ARB2A: variants seen among roughly 807,000 people sequenced by gnomAD.
ARB2A encodes cotranscriptional regulator ARB2A.
the ARB2A span, among the ~76,000 whole-genome samples, chr5:93,870,280 T>C: frequency 1.8e-4 from 28 of 152,252 alleles, no homozygotes; most frequent in South Asian, 2.3e-3. Context: ...TGAGTCCAGA[T>C]CAAGAGTTTA....
the ARB2A span, among the ~76,000 whole-genome samples, chr5:94,068,193 G>A: frequency 1.3e-5 from 2 of 152,196 alleles, no homozygotes; most frequent in Admixed American, 1.3e-4. Flanking sequence ...TGCGGTGAGT[G>A]TTATAGCTCT....
At chr5:94,026,538 G>C in the ARB2A span, among the ~76,000 whole-genome samples, 3 of 152,220 alleles carry the variant, frequency 2.0e-5, no homozygotes, top group African/African-American at 7.2e-5. Context: ...GTGCTGATTG[G>C]TTTGGTTTGT....
At chr5:93,703,014 T>TAAA in the ARB2A span, among the ~76,000 whole-genome samples, 20 of 152,204 alleles carry the variant, frequency 1.3e-4, 1 homozygote, top group Admixed American at 1.3e-3. Context: ...ATGACCCATT[T>TAAA]ATCAGCTGCT....
At chr5:93,747,687 AT>A in the ARB2A span, among the ~76,000 whole-genome samples, 1 of 152,026 alleles carries the variant, frequency 6.6e-6, no homozygotes, top group Non-Finnish European at 1.5e-5. Flanking sequence ...CCAAATCAAA[AT>A]TTATCTGCTT....
chr5:94,040,893 A>G, the ARB2A span, among the ~76,000 whole-genome samples: 1 of 152,110 alleles, frequency 6.6e-6, no homozygotes, highest in Non-Finnish European at 1.5e-5. Flanking sequence ...GCTAATGTCT[A>G]TGTTTCGTCA....
chr5:93,724,121 CT>C, the ARB2A span, among the ~76,000 whole-genome samples: 129 of 148,346 alleles, frequency 8.7e-4, no homozygotes, highest in South Asian at 5.4e-3. Flanking sequence ...GACACTGACA[CT>C]TTTTTTTTTC....
chr5:94,057,156 T>C, the ARB2A span, among the ~76,000 whole-genome samples: 1 of 152,234 alleles, frequency 6.6e-6, no homozygotes, highest in Non-Finnish European at 1.5e-5. Context: ...ACTTGGGTCT[T>C]CTCAGCCTCC....
the ARB2A span, among the ~76,000 whole-genome samples, chr5:93,924,018 T>A: frequency 1.3e-5 from 2 of 152,098 alleles, no homozygotes; most frequent in South Asian, 4.1e-4. Context: ...ATTATCCAAT[T>A]TGTGTTTTCT....
At chr5:93,766,735 C>A in the ARB2A span, among the ~76,000 whole-genome samples, 3 of 152,106 alleles carry the variant, frequency 2.0e-5, no homozygotes, top group Admixed American at 6.6e-5. Flanking sequence ...AAGACACATG[C>A]ACGTGTATGT....
chr5:94,058,557 T>C, the ARB2A span, among the ~76,000 whole-genome samples: 12 of 152,188 alleles, frequency 7.9e-5, no homozygotes, highest in South Asian at 2.5e-3. Context: ...AAAAATTCTA[T>C]CTAAAATTAA....
the ARB2A span, among the ~76,000 whole-genome samples, chr5:93,956,767 C>T: frequency 4.0e-5 from 6 of 151,776 alleles, no homozygotes; most frequent in Admixed American, 2.6e-4. Context: ...TCATCTTTCC[C>T]TCAACCAACA....
At chr5:94,080,182 A>G in the ARB2A span, among the ~76,000 whole-genome samples, 1 of 152,124 alleles carries the variant, frequency 6.6e-6, no homozygotes, top group Non-Finnish European at 1.5e-5. Flanking sequence ...TTAGAAAAAC[A>G]GAGTATGTCA....
the ARB2A span, among the ~76,000 whole-genome samples, chr5:93,760,555 C>T: frequency 1.2e-4 from 19 of 152,164 alleles, no homozygotes; most frequent in African/African-American, 4.6e-4. Flanking sequence ...AAAATAGGCA[C>T]ATAGATCAAT....
At chr5:93,755,396 G>A in the ARB2A span, among the ~76,000 whole-genome samples, 4 of 152,184 alleles carry the variant, frequency 2.6e-5, no homozygotes, top group Non-Finnish European at 4.4e-5. Context: ...TGGCTGACGG[G>A]AGGCAGGACT....
chr5:93,665,566 T>G, the ARB2A span, among the ~76,000 whole-genome samples: 1 of 152,138 alleles, frequency 6.6e-6, no homozygotes, highest in Non-Finnish European at 1.5e-5. Flanking sequence ...AGATCTAACA[T>G]CAAGAAAACC....
chr5:93,712,592 A>G, the ARB2A span, among the ~76,000 whole-genome samples: 1 of 152,242 alleles, frequency 6.6e-6, no homozygotes, highest in East Asian at 1.9e-4. Context: ...AGTTTTAGCT[A>G]GGTCACAAAT....
the ARB2A span, among the ~76,000 whole-genome samples, chr5:94,010,531 C>A: frequency 5.3e-4 from 80 of 152,200 alleles, no homozygotes; most frequent in East Asian, 0.015. Flanking sequence ...TAGCTTCAAG[C>A]AGTTGATGCT....
At chr5:94,037,548 A>G in the ARB2A span, among the ~76,000 whole-genome samples, 1 of 152,188 alleles carries the variant, frequency 6.6e-6, no homozygotes, top group African/African-American at 2.4e-5. Flanking sequence ...AATATAAAAT[A>G]ATATCGCATC....
chr5:93,761,535 G>C, the ARB2A span, among the ~76,000 whole-genome samples: 2 of 152,206 alleles, frequency 1.3e-5, no homozygotes, highest in East Asian at 1.9e-4. Flanking sequence ...GCCCAGGCTT[G>C]AGTAGGTAAA....
Sources: gnomAD v4.1 joint callset for allele counts (sites outside exome capture counted in the v4.1 genomes callset) on GRCh38, gnomAD v4.1.1 for gene constraint, MANE v1.5 for transcripts, NCBI Gene and HGNC (gene_info 2026-07-23, HGNC 2026-07-21) for gene names.